KCNB2: variants seen among roughly 807,000 people sequenced by gnomAD.
KCNB2 encodes the protein delayed rectifier potassium channel protein.
In KCNB2, 15 loss-of-function variants were observed where a neutral mutation model predicts 61.5. That is an observed-to-expected ratio of 0.24 (90% CI 0.16 to 0.38). The LOEUF (loss-of-function observed/expected upper bound fraction) is 0.38. KCNB2 is among the 10% of genes least tolerant of loss of function. The pLI, the probability that KCNB2 is intolerant of heterozygous loss-of-function variation, is 1.00. For missense variants in KCNB2, 828 were observed against 1,125.2 expected (o/e 0.74, Z 3.78); for synonymous variants, 457 against 446.0 (o/e 1.02, Z -0.31).
intron 2 of KCNB2, among the ~76,000 whole-genome samples, chr8:72,581,499 A>G (rs1187029618): frequency 2.0e-5 from 3 of 152,236 alleles, no homozygotes; most frequent in Non-Finnish European, 2.9e-5. Context: ...CAAATGACAC[A>G]GGAGGGCAGG....
At chr8:72,628,461 G>C (rs578016661) in intron 2 of KCNB2, among the ~76,000 whole-genome samples, 1 of 149,072 alleles carries the variant, frequency 6.7e-6, no homozygotes, top group Non-Finnish European at 1.5e-5. Flanking sequence ...CACTTAAAGG[G>C]GTAGCTGATA....
chr8:72,858,565 T>C (rs1204162096), intron 2 of KCNB2, among the ~76,000 whole-genome samples: 3 of 152,256 alleles, frequency 2.0e-5, no homozygotes, highest in African/African-American at 7.2e-5. Flanking sequence ...GCAGTTTTCC[T>C]GCTTTGCAGA....
At chr8:72,733,258 T>G (rs116380501) in intron 2 of KCNB2, among the ~76,000 whole-genome samples, 129 of 152,324 alleles carry the variant, frequency 8.5e-4, no homozygotes, top group African/African-American at 2.9e-3. Context: ...CTTTATTTAC[T>G]TTTCACTTAC....
At chr8:72,700,363 T>C (rs1280195327) in intron 2 of KCNB2, among the ~76,000 whole-genome samples, 1 of 151,936 alleles carries the variant, frequency 6.6e-6, no homozygotes, top group African/African-American at 2.4e-5. Context: ...AAAGTAAAAT[T>C]AATTAATTAA....
chr8:72,658,598 G>T (rs543586783), intron 2 of KCNB2, among the ~76,000 whole-genome samples: 2 of 152,288 alleles, frequency 1.3e-5, no homozygotes, highest in East Asian at 3.9e-4. Flanking sequence ...ATGGCCTTCT[G>T]TTGGAAGAAA....
intron 2 of KCNB2, among the ~76,000 whole-genome samples, chr8:72,742,567 C>T (rs1212098372): frequency 6.6e-6 from 1 of 152,206 alleles, no homozygotes; most frequent in South Asian, 2.1e-4. Context: ...GCTGATCCCT[C>T]ATGCCAGCTA....
rs575500652 is a variant in KCNB2, at chr8:72,920,776, A to C, written c.580-15159A>C. On this transcript the variant is annotated intron_variant, in intron 2 of 2. Transcript: ENST00000523207. ...TGCTAGTGATTAATGAAAATGTATC[A>C]ACCCCCAACTTATATCCTAGGAAAT... Among the ~76,000 whole-genome samples, 291 of 152,172 alleles carry C rather than the reference A, an allele frequency of 1.9e-3. 2 individuals are homozygous for C. Among genetic ancestry groups the C allele is most frequent in the African/African-American group, 6.6e-3 (272 of 41,518 alleles).
chr8:72,565,312 A>G lies in KCNB2; in HGVS notation c.-93-2330A>G, dbSNP rs140418956. ...GAATCTTTCGCCTCCAGAACAATAA[A>G]TAAATTTAACTTGCAGGATGGAGAA... On this transcript the variant is annotated intron_variant, in intron 1 of 2. Coordinates refer to ENST00000523207, the MANE Select transcript of KCNB2 (RefSeq NM_004770.3). Among the ~76,000 whole-genome samples, 240 of 152,290 alleles carry G rather than the reference A, an allele frequency of 1.6e-3. 1 individual carries two copies. Among genetic ancestry groups the G allele is most frequent in the African/African-American group, 5.3e-3 (222 of 41,564 alleles).
At chr8:72,647,345 A>G (rs1476572385) in intron 2 of KCNB2, among the ~76,000 whole-genome samples, 3 of 151,984 alleles carry the variant, frequency 2.0e-5, no homozygotes, top group South Asian at 4.2e-4. Context: ...GGTAATTTTT[A>G]GCATTGTTTT....
At chr8:72,923,804 C>T (rs187579307) in intron 2 of KCNB2, among the ~76,000 whole-genome samples, 14 of 152,174 alleles carry the variant, frequency 9.2e-5, no homozygotes, top group African/African-American at 3.4e-4. Flanking sequence ...GTTCTTCTAC[C>T]CCTAACATTA....
At chr8:72,662,163 T>G (rs1296378040) in intron 2 of KCNB2, among the ~76,000 whole-genome samples, 2 of 152,188 alleles carry the variant, frequency 1.3e-5, no homozygotes, top group Non-Finnish European at 2.9e-5. Flanking sequence ...CCATGGGCTC[T>G]GGGTCTGGTC....
chr8:72,882,252 C>A (rs1805722339), intron 2 of KCNB2, among the ~76,000 whole-genome samples: 1 of 152,184 alleles, frequency 6.6e-6, no homozygotes, highest in Admixed American at 6.5e-5. Context: ...GCCTATACCA[C>A]TCTGGCCCTT....
intron 2 of KCNB2, among the ~76,000 whole-genome samples, chr8:72,892,757 A>T (rs564826172): frequency 1.2e-4 from 18 of 152,090 alleles, no homozygotes; most frequent in African/African-American, 3.9e-4. Context: ...ATTCTTGTTT[A>T]TTTTTTTCTA....
intron 1 of KCNB2, among the ~76,000 whole-genome samples, chr8:72,554,152 A>G (rs1029221202): frequency 6.6e-6 from 1 of 152,106 alleles, no homozygotes; most frequent in African/African-American, 2.4e-5. Context: ...TACAAAACGC[A>G]TGCTAGAACA....
chr8:72,760,137 G>C (rs1021093674), intron 2 of KCNB2, among the ~76,000 whole-genome samples: 9 of 152,188 alleles, frequency 5.9e-5, no homozygotes, highest in Admixed American at 2.0e-4. Flanking sequence ...GACAAGCCCA[G>C]ATGTCATGGA....
At chr8:72,788,751 T>G (rs1347755400) in intron 2 of KCNB2, among the ~76,000 whole-genome samples, 1 of 152,144 alleles carries the variant, frequency 6.6e-6, no homozygotes. Context: ...TATATGAAAT[T>G]GCAATAATTA....
chr8:72,908,217 AT>A (rs1270353643), intron 2 of KCNB2, among the ~76,000 whole-genome samples: 1 of 152,284 alleles, frequency 6.6e-6, no homozygotes, highest in East Asian at 1.9e-4. Flanking sequence ...TTTATACTTA[AT>A]TTAACTCTTT....
At chr8:72,740,014 T>C (rs904499994) in intron 2 of KCNB2, among the ~76,000 whole-genome samples, 6 of 152,210 alleles carry the variant, frequency 3.9e-5, no homozygotes, top group Non-Finnish European at 7.3e-5. Flanking sequence ...AGTATAATGA[T>C]GTAATGAATA....
chr8:72,593,375 G>T (rs1445844013), intron 2 of KCNB2, among the ~76,000 whole-genome samples: 2 of 152,146 alleles, frequency 1.3e-5, no homozygotes, highest in Non-Finnish European at 2.9e-5. Flanking sequence ...TGATGTGTTA[G>T]ATTATCTCTT....
Sources: gnomAD v4.1 joint callset for allele counts (sites outside exome capture counted in the v4.1 genomes callset) on GRCh38, gnomAD v4.1.1 for gene constraint, MANE v1.5 for transcripts, NCBI Gene and HGNC (gene_info 2026-07-23, HGNC 2026-07-21) for gene names.